WDR4: variants seen among roughly 807,000 people sequenced by gnomAD.
WDR4 encodes the protein WDR4 tRNA N7-guanosine methyltransferase non-catalytic subunit.
WDR4 carries 47 observed loss-of-function variants against 48.6 expected under a neutral mutation model. That is an observed-to-expected ratio of 0.97 (90% CI 0.77 to 1.23). WDR4 has a LOEUF of 1.23. Among genes scored for constraint, WDR4 ranks in the 50% most tolerant of loss-of-function variants. The probability of loss-of-function intolerance (pLI) is 0.00; values close to 1 mark genes in which losing one functional copy is unlikely to be tolerated. For missense variants in WDR4, 606 were observed against 551.6 expected (o/e 1.10, Z -0.99); for synonymous variants, 268 against 230.0 (o/e 1.17, Z -1.49).
the WDR4 span, among the ~76,000 whole-genome samples, chr21:42,892,575 T>A: frequency 6.6e-6 from 1 of 151,896 alleles, no homozygotes; most frequent in Admixed American, 6.6e-5. Context: ...GGCACGTCCA[T>A]CTCCGATGAA....
At chr21:42,888,076 C>G in the WDR4 span, among the ~76,000 whole-genome samples, 1 of 151,930 alleles carries the variant, frequency 6.6e-6, no homozygotes, top group Admixed American at 6.6e-5. Flanking sequence ...TTCAGTATTT[C>G]TAGGCTATGT....
At chr21:42,852,209 C>T (rs752226141) in intron 10 of WDR4, 46 bp downstream of exon 10, 22 of 1,604,314 alleles carry the variant, frequency 1.4e-5, no homozygotes, top group Non-Finnish European at 1.7e-5. Flanking sequence ...CTCTGGGGAC[C>T]GCGCTGGGTG....
chr21:42,883,268 C>G (rs2146130712), upstream of WDR4, among the ~76,000 whole-genome samples: 1 of 98,636 alleles, frequency 1.0e-5, no homozygotes, highest in South Asian at 3.8e-4. Flanking sequence ...GAGTGAGACT[C>G]TGTCTCAAAA....
At chr21:42,864,691 C>G (rs1037299102) in intron 3 of WDR4, among the ~76,000 whole-genome samples, 1 of 152,210 alleles carries the variant, frequency 6.6e-6, no homozygotes, top group African/African-American at 2.4e-5. Flanking sequence ...CAGCAAGAAC[C>G]AAAGTCACAG....
At chr21:42,875,123 G>A (rs909862518) in intron 2 of WDR4, among the ~76,000 whole-genome samples, 1 of 152,122 alleles carries the variant, frequency 6.6e-6, no homozygotes, top group African/African-American at 2.4e-5. Flanking sequence ...TGAAATATCG[G>A]GGGTGAATTT....
chr21:42,863,532 C>A lies in WDR4; in HGVS notation c.361G>T (p.Asp121Tyr). The A allele has an allele frequency of 6.2e-7, 1 of 1,614,018 alleles. No homozygotes were observed. The highest frequency in any genetic ancestry group is 8.5e-7 in the Non-Finnish European group (1 of 1,179,998). The change falls in exon 4 of 11, where the codon GAC becomes TAC. Residue 121 changes from aspartate (D) to tyrosine (Y), a missense_variant. Coordinates refer to ENST00000398208, the MANE Select transcript of WDR4 (RefSeq NM_018669.6). Reference protein sequence around the residue: ...IASEEKVLVADKSGDVYSFSV... With the variant: ...IASEEKVLVAYKSGDVYSFSV... Reference sequence around the variant, plus strand: ...AAGGAGTAGACGTCTCCAGACTTGTCGGCCACCAAGACCTTCTCCTCCGAG... The same window carrying A: ...AAGGAGTAGACGTCTCCAGACTTGTAGGCCACCAAGACCTTCTCCTCCGAG...
intron 2 of WDR4, among the ~76,000 whole-genome samples, chr21:42,874,287 T>C (rs2058438021): frequency 6.6e-6 from 1 of 152,260 alleles, no homozygotes; most frequent in Non-Finnish European, 1.5e-5. Context: ...TGTGATTTCC[T>C]ATGCCTGTCT....
rs540767523 is a variant in WDR4 at position 42,856,797 on chromosome 21, A to G, written c.628-1017T>C. ...CACACGCATGCACATACACACGCACACACACACACCTTTCTACAAATGTGG... is the reference window on the plus strand; with the variant it reads ...CACACGCATGCACATACACACGCACGCACACACACCTTTCTACAAATGTGG... On this transcript the variant is annotated intron_variant, in intron 6 of 10. Coordinates refer to ENST00000398208, the MANE Select transcript of WDR4 (RefSeq NM_018669.6). 2.4e-4 allele frequency among the ~76,000 whole-genome samples: 36 copies of G among 152,320 alleles called. 1 individual carries two copies. The South Asian group carries it at 3.9e-3, about 17-fold the overall frequency.
chr21:42,855,965 T>C (rs981778792), intron 6 of WDR4, among the ~76,000 whole-genome samples, 185 bp from the exon 7 acceptor site: 4 of 152,188 alleles, frequency 2.6e-5, no homozygotes, highest in African/African-American at 9.6e-5. Context: ...AGGACAACGG[T>C]GGGGAACGGA....
At chr21:42,876,504 G>A (rs931844781) in intron 2 of WDR4, among the ~76,000 whole-genome samples, 198 bp downstream of exon 2, 1 of 152,044 alleles carries the variant, frequency 6.6e-6, no homozygotes, top group Non-Finnish European at 1.5e-5. Flanking sequence ...ATAAGCCACC[G>A]TGCTCAGCCA....
downstream of WDR4, among the ~76,000 whole-genome samples, chr21:42,844,358 A>T (rs9977828): frequency 0.94 from 143,457 of 152,100 alleles, 67,677 homozygotes; most frequent in Middle Eastern, 0.99. Context: ...AGAGAAAAAA[A>T]CAAAAGCAGC....
At chr21:42,863,383 C>G in intron 4 of WDR4, 57 bp downstream of exon 4, 1 of 1,572,786 alleles carries the variant, frequency 6.4e-7, no homozygotes, top group Non-Finnish European at 8.7e-7. Flanking sequence ...TGCCACGTCC[C>G]CCATGTACCG....
chr21:42,852,298 C>A lies in WDR4; in HGVS notation c.1002G>T (p.Lys334Asn). Residue 334 changes from lysine to asparagine, a missense_variant, in exon 10 of 11, where the codon AAG (lysine) becomes AAT (asparagine). Physicochemically the swap from Lys to Asn is moderately conservative, Grantham distance 94. Transcript: ENST00000398208. ...TCCCACGAAGAACACCAGAGACTTT[C>A]TTTAACACGGTGCTCTCAGGAACAG... Reference protein sequence around the residue: ...WQSVPESTVLKKVSGVLRGNW... With the variant: ...WQSVPESTVLNKVSGVLRGNW... The A allele has an allele frequency of 1.2e-6, 2 of 1,614,154 alleles. No homozygotes were observed. The highest frequency in any genetic ancestry group is 1.7e-6 in the Non-Finnish European group (2 of 1,180,020).
chr21:42,876,229 T>TTTTTTTTTTTTTTG (rs1555982374), intron 2 of WDR4, among the ~76,000 whole-genome samples: 12 of 148,960 alleles, frequency 8.1e-5, no homozygotes, highest in African/African-American at 1.5e-4. Context: ...TTTTTTTTTT[T>TTTTTTTTTTTTTTG]GGGAGACAGA....
At chr21:42,884,181 G>A (rs1397313913), upstream of WDR4, among the ~76,000 whole-genome samples, 2 of 152,180 alleles carry the variant, frequency 1.3e-5, no homozygotes, top group Non-Finnish European at 2.9e-5. Context: ...CTGCTCATTG[G>A]TTGATAGGCA....
downstream of WDR4, among the ~76,000 whole-genome samples, chr21:42,846,450 T>C (rs1260757743): frequency 1.3e-5 from 2 of 152,194 alleles, no homozygotes; most frequent in Non-Finnish European, 2.9e-5. Context: ...CTAAGTGTCC[T>C]GCTTCTCGTG....
chr21:42,872,623 A>AG (rs1220084223), intron 3 of WDR4, among the ~76,000 whole-genome samples: 1 of 151,614 alleles, frequency 6.6e-6, no homozygotes. Flanking sequence ...AAAAAAAAAA[A>AG]AAAAAGATGA....
Position 42,850,106 on chromosome 21 carries a change from A to G in WDR4, c.1182T>C (p.Pro394=). The G allele has an allele frequency of 6.2e-7, 1 of 1,614,016 alleles. No individual in the cohort carries two copies. The highest frequency in any genetic ancestry group is 8.5e-7 in the Non-Finnish European group (1 of 1,179,968). The change falls in exon 11 of 11, where the codon CCT becomes CCC. Residue 394 remains proline, a synonymous_variant. Transcript: ENST00000398208. The part of the protein sequence containing the change: ...EKKQRRRSPP[P]GPDGHAKKMR... ...TCTTCTTGGCATGCCCGTCGGGCCCAGGCGGGGGACTCCGGCGCCGCTGCT... is the reference window on the plus strand; with the variant it reads ...TCTTCTTGGCATGCCCGTCGGGCCCGGGCGGGGGACTCCGGCGCCGCTGCT...
At chr21:42,886,301 C>G in the WDR4 span, among the ~76,000 whole-genome samples, 1 of 152,086 alleles carries the variant, frequency 6.6e-6, no homozygotes. Flanking sequence ...TTTAGGAGCA[C>G]CTTTTCCTCT....
Sources: allele counts gnomAD v4.1 joint callset (sites outside exome capture counted in the v4.1 genomes callset), GRCh38; gene constraint gnomAD v4.1.1; transcripts MANE v1.5; gene names NCBI Gene and HGNC (gene_info 2026-07-23, HGNC 2026-07-21).